DDAH1: variants seen among roughly 807,000 people sequenced by gnomAD.
DDAH1 encodes the protein dimethylarginine dimethylaminohydrolase 1, also known as N(G),N(G)-dimethylarginine dimethylaminohydrolase 1.
Under a neutral mutation model 28.8 loss-of-function variants are expected in DDAH1, and 19 were observed. The ratio of observed to expected loss-of-function variants is 0.66; its 90% CI spans 0.46 to 0.97. DDAH1 has a LOEUF of 0.97. DDAH1 is among the 50% of genes least tolerant of loss of function. The pLI is 0.00. For missense variants in DDAH1, 326 were observed against 375.9 expected (o/e 0.87, Z 1.10); for synonymous variants, 153 against 154.4 (o/e 0.99, Z 0.07).
At chr1:85,461,483 CAAAA>C (rs1454416966) in intron 1 of DDAH1, among the ~76,000 whole-genome samples, 1 of 151,872 alleles carries the variant, frequency 6.6e-6, no homozygotes, top group Admixed American at 6.6e-5. Context: ...TAAAAACAAA[CAAAA>C]CAACAATAAC....
intron 4 of DDAH1, among the ~76,000 whole-genome samples, chr1:85,345,809 G>A (rs757836865): frequency 9.2e-5 from 14 of 152,174 alleles, no homozygotes; most frequent in Non-Finnish European, 5.9e-5. Flanking sequence ...AGATTGCAGT[G>A]AGCCAAGATC....
chr1:85,500,114 T>TTTCTTTCTTTCTTTCTTTCTTTC (rs1656748604), intron 1 of DDAH1, among the ~76,000 whole-genome samples: 1 of 129,792 alleles, frequency 7.7e-6, no homozygotes, highest in Admixed American at 7.7e-5. Flanking sequence ...CTTTCTTTTC[T>TTTCTTTCTTTCTTTCTTTCTTTC]TTTCTTTCTT....
chr1:85,519,952 G>C (rs370699919), intron 1 of DDAH1, among the ~76,000 whole-genome samples: 5 of 149,332 alleles, frequency 3.3e-5, no homozygotes, highest in African/African-American at 1.2e-4. Flanking sequence ...TATTTGTAAT[G>C]TTTCATTCTT....
At chr1:85,386,774 A>G (rs367893571) in intron 1 of DDAH1, among the ~76,000 whole-genome samples, 6 of 152,174 alleles carry the variant, frequency 3.9e-5, no homozygotes. Context: ...TGGGGGCTCC[A>G]CCCTGCAGCA....
At chr1:85,372,353 C>T (rs1344586016) in intron 1 of DDAH1, among the ~76,000 whole-genome samples, 2 of 151,972 alleles carry the variant, frequency 1.3e-5, no homozygotes, top group African/African-American at 4.8e-5. Flanking sequence ...GATAACTGTC[C>T]GTGTTCTAAC....
chr1:85,475,704 C>T (rs1438652735), intron 2 of DDAH1, among the ~76,000 whole-genome samples: 9 of 152,176 alleles, frequency 5.9e-5, no homozygotes, highest in Non-Finnish European at 8.8e-5. Context: ...TTCCATATAT[C>T]GGGACCTGCA....
intron 1 of DDAH1, among the ~76,000 whole-genome samples, chr1:85,451,280 G>A (rs775249564): frequency 1.3e-5 from 2 of 152,198 alleles, no homozygotes; most frequent in Non-Finnish European, 2.9e-5. Flanking sequence ...GAAGATAGCA[G>A]GAGAAGGGCA....
chr1:85,399,918 A>G (rs1396114949), intron 1 of DDAH1: 3 of 152,162 alleles, frequency 2.0e-5, no homozygotes, highest in Admixed American at 2.0e-4. Flanking sequence ...TATGGCATAA[A>G]ATGTTGCCTG....
chr1:85,561,308 T>C (rs1352192535), intron 1 of DDAH1, among the ~76,000 whole-genome samples: 2 of 152,114 alleles, frequency 1.3e-5, no homozygotes, highest in Admixed American at 1.3e-4. Flanking sequence ...TATAAGAGTG[T>C]TAACTATAAT....
intron 4 of DDAH1, among the ~76,000 whole-genome samples, chr1:85,331,373 T>C (rs1462943473): frequency 6.6e-6 from 1 of 151,924 alleles, no homozygotes; most frequent in Non-Finnish European, 1.5e-5. Context: ...TTAGGGAATA[T>C]TCAAAGCACA....
rs528353959 is a variant in DDAH1, at chr1:85,432,362, C to T, written c.303+32381G>A. ...AATGACACAACTTCCACCCATCCCT[C>T]CCAAAGCTATGATTCTGAGATGTCT... is the stretch of plus-strand genomic sequence containing the variant. On this transcript the variant is annotated intron_variant, in intron 1 of 5. Coordinates refer to ENST00000284031, the MANE Select transcript of DDAH1 (RefSeq NM_012137.4). Among the ~76,000 whole-genome samples, 9 of 152,312 alleles carry T rather than the reference C, an allele frequency of 5.9e-5. No individual in the cohort carries two copies. In the East Asian group the frequency reaches 1.7e-3, roughly 29 times the overall value.
intron 1 of DDAH1, among the ~76,000 whole-genome samples, chr1:85,515,237 A>T (rs1230055847): frequency 6.6e-6 from 1 of 151,194 alleles, no homozygotes. Context: ...AAAAAAAAAA[A>T]TTACGAGTGT....
At chr1:85,364,795 C>T (rs910313720) in intron 1 of DDAH1, among the ~76,000 whole-genome samples, 1 of 152,146 alleles carries the variant, frequency 6.6e-6, no homozygotes, top group Non-Finnish European at 1.5e-5. Context: ...CCGCCTGTCT[C>T]AGCCTCCCAA....
At chr1:85,386,017 G>T (rs556801728) in intron 1 of DDAH1, among the ~76,000 whole-genome samples, 3 of 152,216 alleles carry the variant, frequency 2.0e-5, no homozygotes, top group African/African-American at 7.2e-5. Context: ...CCATTACCAG[G>T]AGGATGGCAC....
At chr1:85,503,085 G>GT (rs1553142742) in intron 1 of DDAH1, among the ~76,000 whole-genome samples, 134 of 138,404 alleles carry the variant, frequency 9.7e-4, no homozygotes, top group African/African-American at 3.1e-3. Flanking sequence ...CAAGAAATAA[G>GT]TTAAAAAAAA....
intron 1 of DDAH1, among the ~76,000 whole-genome samples, chr1:85,380,849 T>C (rs1330935450): frequency 1.3e-5 from 2 of 152,174 alleles, no homozygotes; most frequent in Admixed American, 1.3e-4. Flanking sequence ...TGAAATATGG[T>C]TGACATACTC....
chr1:85,430,286 GT>G (rs1653614091), intron 1 of DDAH1, among the ~76,000 whole-genome samples: 1 of 152,170 alleles, frequency 6.6e-6, no homozygotes, highest in Non-Finnish European at 1.5e-5. Context: ...GTACCATGCT[GT>G]TTTGGTTACT....
At chr1:85,428,818 G>A (rs1218271055) in intron 1 of DDAH1, among the ~76,000 whole-genome samples, 1 of 151,936 alleles carries the variant, frequency 6.6e-6, no homozygotes, top group Non-Finnish European at 1.5e-5. Context: ...GAACGCTGCT[G>A]GATTAAAATT....
At chr1:85,448,367 G>C (rs1475262256) in intron 1 of DDAH1, among the ~76,000 whole-genome samples, 1 of 152,162 alleles carries the variant, frequency 6.6e-6, no homozygotes, top group African/African-American at 2.4e-5. Flanking sequence ...TCTGCTCTAA[G>C]AGATAAGGAA....
Sources: gnomAD v4.1 joint callset for allele counts (sites outside exome capture counted in the v4.1 genomes callset) on GRCh38, gnomAD v4.1.1 for gene constraint, MANE v1.5 for transcripts, NCBI Gene and HGNC (gene_info 2026-07-23, HGNC 2026-07-21) for gene names.